WDFY4: variants seen among roughly 807,000 people sequenced by gnomAD.
WDFY4 encodes the protein WDFY family member 4, also known as WD repeat- and FYVE domain-containing protein 4.
A neutral mutation model predicts 351.9 loss-of-function variants in WDFY4; 169 were observed. The observed-to-expected ratio is 0.48, with a 90% CI of 0.42 to 0.55. WDFY4 has a LOEUF of 0.55. WDFY4 is among the 20% of genes least tolerant of loss of function. The pLI is 0.00. For missense variants in WDFY4, 3,803 were observed against 3,935.6 expected (o/e 0.97, Z 0.90); for synonymous variants, 1,622 against 1,574.6 (o/e 1.03, Z -0.71).
chr10:48,707,137 A>G (rs2063652763), intron 1 of WDFY4, among the ~76,000 whole-genome samples: 3 of 152,208 alleles, frequency 2.0e-5, no homozygotes, highest in Non-Finnish European at 4.4e-5. Flanking sequence ...CACAGAGGAG[A>G]AATGCCAAAA....
At chr10:48,783,504 A>G (rs541850926) in intron 19 of WDFY4, among the ~76,000 whole-genome samples, 1 of 150,882 alleles carries the variant, frequency 6.6e-6, no homozygotes, top group East Asian at 1.9e-4. Flanking sequence ...TATCTTATGT[A>G]TAAAATCAAA....
At chr10:48,957,617 T>C (rs1393593716) in intron 52 of WDFY4, among the ~76,000 whole-genome samples, 1 of 152,216 alleles carries the variant, frequency 6.6e-6, no homozygotes, top group Non-Finnish European at 1.5e-5. Context: ...CCTCGAGACC[T>C]TGGGCAAGCT....
intron 39 of WDFY4, among the ~76,000 whole-genome samples, chr10:48,863,866 G>A (rs768234996): frequency 2.6e-5 from 4 of 152,190 alleles, no homozygotes; most frequent in Non-Finnish European, 4.4e-5. Context: ...AGGAACCAAG[G>A]CACCTTCTTC....
chr10:48,843,794 G>A (rs2133132994), intron 39 of WDFY4, among the ~76,000 whole-genome samples: 1 of 152,264 alleles, frequency 6.6e-6, no homozygotes, highest in East Asian at 1.9e-4. Flanking sequence ...AGTGGTTGGG[G>A]GGAAAGGTAT....
intron 54 of WDFY4, 134 bp downstream of exon 54, chr10:48,964,188 A>G (rs1841981192): frequency 2.0e-6 from 2 of 1,004,104 alleles, no homozygotes. Context: ...CTGTGCTTTC[A>G]ATATCAGGCT....
At chr10:48,719,943 TGGCA>T in intron 2 of WDFY4, 64 bp from the exon 3 acceptor site, 1 of 1,409,562 alleles carries the variant, frequency 7.1e-7, no homozygotes, top group Non-Finnish European at 9.8e-7. Flanking sequence ...AAGGGTGGCA[TGGCA>T]GGCAGTGCTC....
intron 47 of WDFY4, among the ~76,000 whole-genome samples, chr10:48,923,878 C>T (rs569440128): frequency 6.6e-6 from 1 of 152,246 alleles, no homozygotes; most frequent in African/African-American, 2.4e-5. Context: ...AGAGAGAATC[C>T]TGGACAGGAA....
chr10:48,787,319 A>G (rs11816499), intron 20 of WDFY4, among the ~76,000 whole-genome samples: 7,743 of 152,334 alleles, frequency 0.051, 248 homozygotes, highest in Middle Eastern at 0.082. Flanking sequence ...CCATCTGGAA[A>G]GAATGATAAA....
intron 19 of WDFY4, among the ~76,000 whole-genome samples, chr10:48,786,302 A>T (rs2066403292): frequency 6.6e-6 from 1 of 152,198 alleles, no homozygotes; most frequent in Non-Finnish European, 1.5e-5. Context: ...CTCTGTATGT[A>T]TGTAATTATT....
intron 12 of WDFY4, among the ~76,000 whole-genome samples, chr10:48,757,961 C>T (rs1301985073): frequency 6.6e-6 from 1 of 152,012 alleles, no homozygotes. Flanking sequence ...AACCATCATA[C>T]CTAAATTTAA....
intron 12 of WDFY4, chr10:48,745,891 C>A (rs1052511965): frequency 7.8e-6 from 2 of 254,904 alleles, no homozygotes; most frequent in South Asian, 5.9e-5. Flanking sequence ...CCTGCACTGT[C>A]GGCTGGAAGA....
At chr10:48,705,671 A>T (rs963720206) in intron 1 of WDFY4, among the ~76,000 whole-genome samples, 1 of 152,226 alleles carries the variant, frequency 6.6e-6, no homozygotes, top group African/African-American at 2.4e-5. Context: ...AGGGGTCCGC[A>T]TTAGTTAGAA....
At chr10:48,714,072 G>T (rs554297750) in intron 2 of WDFY4, among the ~76,000 whole-genome samples, 6 of 152,210 alleles carry the variant, frequency 3.9e-5, no homozygotes, top group Non-Finnish European at 7.3e-5. Flanking sequence ...TGTGATGTAG[G>T]TAGTATTTTT....
intron 48 of WDFY4, 83 bp downstream of exon 48, chr10:48,941,931 G>A: frequency 7.5e-7 from 1 of 1,336,350 alleles, no homozygotes; most frequent in Non-Finnish European, 1.1e-6. Flanking sequence ...GAGGAAGTGT[G>A]TGGATCAACC....
In WDFY4 at chr10:48,725,964, G is replaced by C; in HGVS notation, c.675G>C (p.Thr225=). Residue 225 remains threonine, a synonymous_variant, in exon 6 of 62, where the codon ACG becomes ACC. Transcript: ENST00000325239. Reference sequence around the variant, plus strand: ...AGCTGCAGTCTCTGCTGATTGCCACGACCTGCCTTCGGGAGCACAGCTGCT... The same window carrying C: ...AGCTGCAGTCTCTGCTGATTGCCACCACCTGCCTTCGGGAGCACAGCTGCT... ...GSELQSLLIA[T]TCLREHSCCF... 2 of 1,551,704 alleles carry C rather than the reference G, an allele frequency of 1.3e-6. No individual in the cohort carries two copies. The highest frequency in any genetic ancestry group is 1.7e-6 in the Non-Finnish European group (2 of 1,146,990).
In WDFY4 at chr10:48,830,933, G is replaced by C. The variant is rs944292694; in HGVS notation, c.6526+48G>C. The C allele has an allele frequency of 2.0e-6, 3 of 1,524,324 alleles. No homozygotes were observed. In the African/African-American group the frequency reaches 4.1e-5, roughly 21 times the overall value. 94.4% of individuals were successfully genotyped at this position (1,524,324 alleles called of 1,614,324 possible). ...GGAATGGGAACTCCTGGGTCTCACAGAGCCAGACTCCCGCAAGGTTCAACT... is the reference window on the plus strand; with the variant it reads ...GGAATGGGAACTCCTGGGTCTCACACAGCCAGACTCCCGCAAGGTTCAACT... On this transcript the variant is annotated intron_variant, in intron 38 of 61. Transcript: ENST00000325239.
chr10:48,689,575 T>A (rs755652476), intron 1 of WDFY4, among the ~76,000 whole-genome samples: 57 of 152,260 alleles, frequency 3.7e-4, no homozygotes, highest in Non-Finnish European at 2.9e-4. Context: ...TTAAAATGTG[T>A]CTACCAGAAA....
At chr10:48,787,933 C>CT (rs1565198961) in intron 20 of WDFY4, among the ~76,000 whole-genome samples, 1 of 93,894 alleles carries the variant, frequency 1.1e-5, no homozygotes, top group African/African-American at 4.7e-5. Flanking sequence ...TCTTCTTCTT[C>CT]TTCTTCTTCT....
intron 1 of WDFY4, among the ~76,000 whole-genome samples, chr10:48,703,993 T>C (rs910458957): frequency 6.6e-6 from 1 of 152,080 alleles, no homozygotes; most frequent in African/African-American, 2.4e-5. Flanking sequence ...TCCCTCCCTC[T>C]TGGGTCCCTG....
Sources: allele counts gnomAD v4.1 joint callset (sites outside exome capture counted in the v4.1 genomes callset), GRCh38; gene constraint gnomAD v4.1.1; transcripts MANE v1.5; gene names NCBI Gene and HGNC (gene_info 2026-07-23, HGNC 2026-07-21).